CD70: variants seen among roughly 807,000 people sequenced by gnomAD.
The protein encoded by CD70 is CD70 molecule, also known as CD70 antigen.
Under a neutral mutation model 9.0 loss-of-function variants are expected in CD70, and 6 were observed. The observed-to-expected ratio is 0.67, with a 90% confidence interval of 0.37 to 1.32. The LOEUF (loss-of-function observed/expected upper bound fraction) is 1.32. Ranked by LOEUF, CD70 falls within the 40% of genes most tolerant of loss-of-function variation. The pLI, the probability that CD70 is intolerant of heterozygous loss-of-function variation, is 0.02. For missense variants in CD70, 235 were observed against 258.7 expected, an observed-to-expected ratio of 0.91 and a Z score of 0.63; for synonymous variants, 108 against 112.3, an observed-to-expected ratio of 0.96 and a Z score of 0.24.
At chr19:6,587,347 A>G (rs1283139729) in intron 2 of CD70, among the ~76,000 whole-genome samples, 1 of 151,854 alleles carries the variant, frequency 6.6e-6, no homozygotes, top group East Asian at 1.9e-4. Flanking sequence ...TGTGTGTGAG[A>G]GAGGACGAGA....
chr19:6,590,822 CT>C lies in CD70; in HGVS notation c.162+18del, dbSNP rs767118220. On this transcript the variant is annotated intron_variant, in intron 1 of 2. Transcript: ENST00000245903. The surrounding 1 kb of genome is among the most constrained non-coding windows in gnomAD (Gnocchi z 5.3). ...GCGCCTCTCTATGTTTTCTTCCCAA[CT>C]TTTCCATCTCAACTCACCCCAAGTG... 1.2e-6 allele frequency: 2 copies of C among 1,607,204 alleles called. No individual in the cohort carries two copies. The highest frequency in any genetic ancestry group is 1.7e-6 in the Non-Finnish European group (2 of 1,175,476).
At chr19:6,588,153 A>T (rs1356504490) in intron 2 of CD70, among the ~76,000 whole-genome samples, 3 of 152,242 alleles carry the variant, frequency 2.0e-5, no homozygotes, top group African/African-American at 7.2e-5. Context: ...GGGGTCAAAC[A>T]GGAGCCCCAA....
downstream of CD70, chr19:6,583,449 T>C (rs1915956872): frequency 1.5e-6 from 1 of 663,786 alleles, no homozygotes; most frequent in African/African-American, 1.8e-5. Flanking sequence ...CACTTGACTT[T>C]GAGTCCCCAG....
intron 2 of CD70, among the ~76,000 whole-genome samples, chr19:6,587,009 T>C (rs551783633): frequency 6.7e-6 from 1 of 148,966 alleles, no homozygotes; most frequent in Non-Finnish European, 1.5e-5. Context: ...AGAGTGTATG[T>C]GTGAGAGAGG....
chr19:6,584,003 G>A (rs1915968844), downstream of CD70, among the ~76,000 whole-genome samples: 1 of 150,976 alleles, frequency 6.6e-6, no homozygotes, highest in Admixed American at 6.6e-5. Context: ...ACGTCGGCCA[G>A]GCTGGTCTCA....
chr19:6,591,127 CA>C lies in CD70; in HGVS notation c.-126del. The C allele has an allele frequency of 2.9e-6, 3 of 1,044,270 alleles. No homozygotes were observed. The South Asian group carries it at 5.3e-5, about 19-fold the overall frequency. The allele number at this position is 1,044,270 out of a possible 1,614,324, so 64.7% of individuals were successfully genotyped here. Reference sequence around the variant, plus strand: ...TGGGCGTCTACTTGCTTCAACCTGTCAGGGGACCAGCCTGCCCCTCTCTGGG... The same window carrying C: ...TGGGCGTCTACTTGCTTCAACCTGTCGGGGACCAGCCTGCCCCTCTCTGGG... On this transcript the variant is annotated 5_prime_UTR_variant, in exon 1 of 3. Transcript: ENST00000245903.
downstream of CD70, chr19:6,585,796 G>A (rs1321052103): frequency 1.3e-5 from 6 of 461,020 alleles, no homozygotes; most frequent in South Asian, 8.8e-5. Context: ...TGCCTCAGTC[G>A]GCCGAGTAGC....
At position 6,586,257 on chromosome 19, in the gene CD70, G is replaced by A. The variant is rs1862511; in HGVS notation, c.345C>T (p.Cys115=). The A allele has an allele frequency of 0.3, 484,618 of 1,613,640 alleles. 77,706 individuals carry two copies. Among genetic ancestry groups the A allele is most frequent in the East Asian group, 0.69 (30,756 of 44,832 alleles). The change falls in exon 3 of 3, where the codon TGC becomes TGT. Residue 115 remains cysteine (C), a synonymous_variant. Transcript: ENST00000245903. ...GGTGCCTGGAGGCCGTCGTGGAGGA[G>A]CAGATGGCCAGCGTCACCTGGATGT... ...MVHIQVTLAI[C]SSTTASRHHP... is the part of the protein sequence containing the mutation.
Position 6,586,861 on chromosome 19 carries a change from G to A in CD70, c.197-456C>T, listed in dbSNP as rs78433734. Among the ~76,000 whole-genome samples, 32 of 142,926 alleles carry A rather than the reference G, an allele frequency of 2.2e-4. No individual in the cohort carries two copies. The East Asian group carries it at 4.9e-3, about 22-fold the overall frequency. The allele number at this position is 142,926 out of a possible 152,430, so 93.8% of individuals were successfully genotyped here. A position where few individuals can be genotyped will look rare whatever the true frequency, so the allele number is the denominator to read the frequency against. On this transcript the variant is annotated intron_variant, in intron 2 of 2. Coordinates refer to ENST00000245903, the MANE Select transcript of CD70 (RefSeq NM_001252.5). ...GAAGGAGAGAGGGGTAAGGGGAAAG[G>A]GGTAGAGACAGGGAGAGAGAGACAC... is the stretch of plus-strand genomic sequence containing the variant.
At chr19:6,587,635 T>C (rs1916058063) in intron 2 of CD70, among the ~76,000 whole-genome samples, 1 of 151,934 alleles carries the variant, frequency 6.6e-6, no homozygotes, top group South Asian at 2.1e-4. Flanking sequence ...CCTTTTTTTT[T>C]CTTGCTTTCC....
downstream of CD70, among the ~76,000 whole-genome samples, chr19:6,584,292 A>T (rs930472798): frequency 1.4e-5 from 2 of 146,496 alleles, no homozygotes; most frequent in Non-Finnish European, 3.0e-5. Context: ...GGTGGATCAC[A>T]AGGTCAAGAG....
intron 2 of CD70, among the ~76,000 whole-genome samples, chr19:6,588,178 C>T (rs1164158177): frequency 2.6e-5 from 4 of 152,184 alleles, no homozygotes; most frequent in East Asian, 1.9e-4. Context: ...GTTTACCAGG[C>T]TTTGCAAATT....
chr19:6,586,789 C>T (rs114836450), intron 2 of CD70, among the ~76,000 whole-genome samples: 175 of 148,832 alleles, frequency 1.2e-3, no homozygotes, highest in African/African-American at 4.3e-3. Context: ...CACAGAAACC[C>T]TGTCTCAAAA....
Position 6,589,364 on chromosome 19 carries a change from CCTTT to C in CD70, c.196+735_196+738del, listed in dbSNP as rs200161121. ...CTTCTTCTCTTTCTTTTCCTTCCTT[CCTTT>C]CTTTCTTTTTCTTTTCCTTTCTTCT... is the stretch of plus-strand genomic sequence containing the variant. On this transcript the variant is annotated intron_variant, in intron 2 of 2. Coordinates refer to ENST00000245903, the MANE Select transcript of CD70 (RefSeq NM_001252.5). 2.5e-3 allele frequency among the ~76,000 whole-genome samples: 379 copies of C among 149,480 alleles called. 1 individual carries two copies. Among genetic ancestry groups the C allele is most frequent in the African/African-American group, 8.5e-3 (342 of 40,418 alleles).
chr19:6,584,340 C>T (rs1915975641), downstream of CD70, among the ~76,000 whole-genome samples: 1 of 151,028 alleles, frequency 6.6e-6, no homozygotes, highest in South Asian at 2.1e-4. Flanking sequence ...AAGCCCGTCT[C>T]TACTAATAAT....
chr19:6,591,020 C>T lies in CD70; in HGVS notation c.-18G>A. ...TCCGGCATCGCCGCGGCGATCACCTCCGCTAGCGCAGGAGGGGCGATGGGG... is the reference window on the plus strand; with the variant it reads ...TCCGGCATCGCCGCGGCGATCACCTTCGCTAGCGCAGGAGGGGCGATGGGG... On this transcript the variant is annotated 5_prime_UTR_variant, in exon 1 of 3. Coordinates refer to ENST00000245903, the MANE Select transcript of CD70 (RefSeq NM_001252.5). The T allele has an allele frequency of 6.3e-7, 1 of 1,582,278 alleles. No homozygotes were observed. The highest frequency in any genetic ancestry group is 8.6e-7 in the Non-Finnish European group (1 of 1,160,988).
Position 6,590,985 on chromosome 19 carries a change from C to G in CD70, c.18G>C (p.Ser6=). The change falls in exon 1 of 3, where the codon TCG becomes TCC. Residue 6 remains serine (S), a synonymous_variant. Transcript: ENST00000245903. This position sits in a 1 kb window ranked among gnomAD's most constrained non-coding sequence, Gnocchi z 5.3. MPEEG[S]GCSVRRRPYG... Reference sequence around the variant, plus strand: ...AGGGCCTGCGCCGCACCGAGCAGCCCGAACCCTCCTCCGGCATCGCCGCGG... The same window carrying G: ...AGGGCCTGCGCCGCACCGAGCAGCCGGAACCCTCCTCCGGCATCGCCGCGG... 6.2e-7 allele frequency: 1 copy of G among 1,603,756 alleles called. No homozygotes were observed. Among genetic ancestry groups the G allele is most frequent in the African/African-American group, 1.3e-5 (1 of 74,674 alleles).
chr19:6,585,204 G>A (rs1439094351), downstream of CD70, among the ~76,000 whole-genome samples: 2 of 151,972 alleles, frequency 1.3e-5, no homozygotes, highest in African/African-American at 2.4e-5. Context: ...GGCTGGTCTC[G>A]AACTCCTGAT....
In CD70 at chr19:6,590,978, A is replaced by T; in HGVS notation, c.25T>A (p.Ser9Thr). ...CACCCATAGGGCCTGCGCCGCACCG[A>T]GCAGCCCGAACCCTCCTCCGGCATC... MPEEGSGC[S>T]VRRRPYGCVL... is the part of the protein sequence containing the mutation. Residue 9 changes from serine (S) to threonine (T), a missense_variant, in exon 1 of 3, where the codon TCG (serine) becomes ACG (threonine). Physicochemically the swap from Ser to Thr is moderately conservative, Grantham distance 58 (BLOSUM62 1). Transcript: ENST00000245903. The surrounding 1 kb of genome is among the most constrained non-coding windows in gnomAD (Gnocchi z 5.3). 1 of 1,611,222 alleles carries T rather than the reference A, an allele frequency of 6.2e-7. No individual in the cohort carries two copies. Among genetic ancestry groups the T allele is most frequent in the East Asian group, 2.2e-5 (1 of 44,720 alleles).
Sources: allele counts gnomAD v4.1 joint callset (sites outside exome capture counted in the v4.1 genomes callset), GRCh38; gene constraint gnomAD v4.1.1; non-coding constraint Gnocchi (gnomAD v3.1); transcripts MANE v1.5; gene names NCBI Gene and HGNC (gene_info 2026-07-23, HGNC 2026-07-21).